The following EDIL3 variants were observed in gnomAD, a reference collection of about 807,000 sequenced individuals.
EDIL3 encodes EGF-like repeat and discoidin I-like domain-containing protein 3.
A neutral mutation model predicts 67.4 loss-of-function variants in EDIL3; 37 were observed. The observed-to-expected ratio is 0.55, with a 90% CI of 0.42 to 0.72. EDIL3 has a LOEUF of 0.72. Ranked by LOEUF, EDIL3 falls within the 30% of genes least tolerant of loss-of-function variation. The pLI is 0.00. For missense variants in EDIL3, 527 were observed against 586.3 expected, an observed-to-expected ratio of 0.90 and a Z score of 1.04; for synonymous variants, 195 against 196.3, an observed-to-expected ratio of 0.99 and a Z score of 0.05.
intron 3 of EDIL3, among the ~76,000 whole-genome samples, chr5:84,221,935 T>TA (rs981918325): frequency 1.3e-5 from 2 of 151,876 alleles, no homozygotes; most frequent in African/African-American, 4.8e-5. Flanking sequence ...AATAAAATAC[T>TA]AAAATCAGAA....
At chr5:84,110,034 T>C (rs1309179943) in intron 5 of EDIL3, among the ~76,000 whole-genome samples, 2 of 152,214 alleles carry the variant, frequency 1.3e-5, no homozygotes, top group Admixed American at 1.3e-4. Flanking sequence ...TCAACTGAAG[T>C]AATCCTGGCT....
chr5:84,153,860 T>C (rs889245915), intron 4 of EDIL3, among the ~76,000 whole-genome samples: 2 of 152,208 alleles, frequency 1.3e-5, no homozygotes, highest in African/African-American at 2.4e-5. Context: ...TTAATTGATA[T>C]AACAATCACA....
At chr5:83,987,068 C>G (rs1424418220) in intron 9 of EDIL3, among the ~76,000 whole-genome samples, 1 of 152,152 alleles carries the variant, frequency 6.6e-6, no homozygotes, top group Non-Finnish European at 1.5e-5. Flanking sequence ...TCACCATGTA[C>G]TCCACTTGAG....
intron 1 of EDIL3, among the ~76,000 whole-genome samples, chr5:84,363,439 ACT>A (rs1273280945): frequency 3.4e-5 from 5 of 148,504 alleles, no homozygotes; most frequent in African/African-American, 1.3e-4. Flanking sequence ...ACTGAGCAAG[ACT>A]CTGTCAAAAA....
intron 3 of EDIL3, among the ~76,000 whole-genome samples, chr5:84,215,833 C>G (rs1744216378): frequency 1.3e-5 from 2 of 152,140 alleles, no homozygotes. Context: ...GACAGGGTGG[C>G]AGCAGTAGAA....
intron 5 of EDIL3, among the ~76,000 whole-genome samples, chr5:84,131,442 A>G (rs1003236045): frequency 3.9e-5 from 6 of 152,146 alleles, no homozygotes; most frequent in Admixed American, 1.3e-4. Context: ...AGTGTTTTTA[A>G]TATGTAGAGT....
chr5:84,073,390 A>G (rs1746783540), intron 6 of EDIL3, among the ~76,000 whole-genome samples: 1 of 152,192 alleles, frequency 6.6e-6, no homozygotes, highest in Non-Finnish European at 1.5e-5. Flanking sequence ...TCAATTAGGA[A>G]AAGAGGAAGT....
intron 10 of EDIL3, among the ~76,000 whole-genome samples, chr5:83,957,588 G>A (rs1333938534): frequency 6.6e-6 from 1 of 151,610 alleles, no homozygotes; most frequent in East Asian, 2.0e-4. Flanking sequence ...CTTTATTAAT[G>A]GGGACTGATG....
chr5:84,291,830 C>CATAT (rs150859848), intron 1 of EDIL3, among the ~76,000 whole-genome samples: 311 of 145,938 alleles, frequency 2.1e-3, no homozygotes, highest in African/African-American at 7.3e-3. Context: ...TATACACACA[C>CATAT]ATATATATAT....
chr5:83,997,139 G>A (rs940845002), intron 9 of EDIL3, among the ~76,000 whole-genome samples: 4 of 152,142 alleles, frequency 2.6e-5, no homozygotes, highest in Admixed American at 1.3e-4. Context: ...TGAGGTAGGG[G>A]AAATGTGCAG....
At chr5:83,971,850 A>C (rs1744799214) in intron 9 of EDIL3, among the ~76,000 whole-genome samples, 1 of 152,094 alleles carries the variant, frequency 6.6e-6, no homozygotes, top group African/African-American at 2.4e-5. Context: ...TCTGGTCTAA[A>C]GCACAAGACT....
chr5:83,955,327 T>C (rs1184564151), intron 10 of EDIL3, among the ~76,000 whole-genome samples: 1 of 151,700 alleles, frequency 6.6e-6, no homozygotes, highest in Non-Finnish European at 1.5e-5. Flanking sequence ...ATAAACAACA[T>C]TTAAATTATT....
Position 84,241,304 on chromosome 5 carries a change from T to C in EDIL3, c.197-11420A>G, listed in dbSNP as rs371355366. ...TAATGTTCTTTTTTCCCTATGATTC[T>C]ATCTTTATGCAAAACCACAAAAAGC... On this transcript the variant is annotated intron_variant, in intron 2 of 10. Transcript: ENST00000296591. Among the ~76,000 whole-genome samples, 4 of 152,344 alleles carry C rather than the reference T, an allele frequency of 2.6e-5. No individual in the cohort carries two copies. The East Asian group carries it at 5.8e-4, about 22-fold the overall frequency.
intron 4 of EDIL3, among the ~76,000 whole-genome samples, chr5:84,155,056 C>G (rs1349095123): frequency 6.6e-6 from 1 of 152,078 alleles, no homozygotes; most frequent in Non-Finnish European, 1.5e-5. Context: ...AAGCTCCATC[C>G]TGGGATATCT....
At chr5:84,223,237 T>A (rs2112402368) in intron 3 of EDIL3, among the ~76,000 whole-genome samples, 1 of 151,702 alleles carries the variant, frequency 6.6e-6, no homozygotes, top group South Asian at 2.1e-4. Flanking sequence ...GTATGGAAGT[T>A]CCTCAAAAAA....
intron 9 of EDIL3, among the ~76,000 whole-genome samples, chr5:84,042,294 T>TA (rs1248441404): frequency 6.6e-6 from 1 of 152,068 alleles, no homozygotes; most frequent in Non-Finnish European, 1.5e-5. Flanking sequence ...GAAATTTTTT[T>TA]TTTTTTGAGA....
At chr5:84,347,849 AT>A (rs557056235) in intron 1 of EDIL3, among the ~76,000 whole-genome samples, 15 of 152,000 alleles carry the variant, frequency 9.9e-5, no homozygotes, top group Non-Finnish European at 2.1e-4. Flanking sequence ...ACACATTCAT[AT>A]TTTTTTTGCC....
At chr5:84,332,178 G>A (rs929628075) in intron 1 of EDIL3, among the ~76,000 whole-genome samples, 1 of 152,074 alleles carries the variant, frequency 6.6e-6, no homozygotes, top group African/African-American at 2.4e-5. Flanking sequence ...AGACCAGCCT[G>A]GGCAATATAA....
intron 9 of EDIL3, among the ~76,000 whole-genome samples, chr5:83,967,205 C>G (rs1259501885): frequency 6.6e-6 from 1 of 151,974 alleles, no homozygotes; most frequent in Non-Finnish European, 1.5e-5. Context: ...CCTGTAGTCC[C>G]AGCTACTTGG....
Sources: allele counts gnomAD v4.1 joint callset (sites outside exome capture counted in the v4.1 genomes callset), GRCh38; gene constraint gnomAD v4.1.1; transcripts MANE v1.5; gene names NCBI Gene and HGNC (gene_info 2026-07-23, HGNC 2026-07-21).